Variants in APCDD1 observed in about 807,000 individuals in gnomAD.
The protein encoded by APCDD1 is protein APCDD1.
Under a neutral mutation model 38.1 loss-of-function variants are expected in APCDD1, and 15 were observed. The observed-to-expected ratio is 0.39, with a 90% confidence interval of 0.26 to 0.61. The LOEUF (loss-of-function observed/expected upper bound fraction) is 0.61. Among genes scored for constraint, APCDD1 ranks in the 20% least tolerant of loss-of-function variants. The pLI, the probability that APCDD1 is intolerant of heterozygous loss-of-function variation, is 0.49. For missense variants in APCDD1, 647 were observed against 696.2 expected (o/e 0.93, Z 0.79); for synonymous variants, 261 against 279.7 (o/e 0.93, Z 0.67).
At chr18:10,460,560 G>A (rs1331495490) in intron 1 of APCDD1, among the ~76,000 whole-genome samples, 2 of 149,688 alleles carry the variant, frequency 1.3e-5, no homozygotes, top group African/African-American at 2.5e-5. Context: ...AAACAAACAA[G>A]CAAAAAAAAC....
chr18:10,477,454 A>G (rs2031029312), intron 3 of APCDD1: 1 of 152,246 alleles, frequency 6.6e-6, no homozygotes, highest in African/African-American at 2.4e-5. Context: ...CTGGGCTACA[A>G]GGCTGCTGAT....
chr18:10,454,758 ACGCGGACCGGGCCGGGG>A lies in APCDD1; in HGVS notation c.-220_-204del. ...CGGGGCGGGCGGCAGAGAGGCCGGG[ACGCGGACCGGGCCGGGG>A]CGCCCACAGCCGCCCGACGGCGCCC... On this transcript the variant is annotated 5_prime_UTR_variant, in exon 1 of 5. Transcript: ENST00000355285. The A allele has an allele frequency of 1.0e-6, 1 of 980,184 alleles. No homozygotes were observed. The highest frequency in any genetic ancestry group is 1.2e-6 in the Non-Finnish European group (1 of 828,018). The allele number at this position is 980,184 out of a possible 1,614,324, so 60.7% of individuals were successfully genotyped here. A position where few individuals can be genotyped will look rare whatever the true frequency, so the allele number is the denominator to read the frequency against.
At chr18:10,473,144 C>T (rs1314175896) in intron 3 of APCDD1, among the ~76,000 whole-genome samples, 1 of 152,244 alleles carries the variant, frequency 6.6e-6, no homozygotes, top group Non-Finnish European at 1.5e-5. Flanking sequence ...TCCTCCAAGA[C>T]TACTCATAAC....
In APCDD1 at chr18:10,475,579, C is replaced by T. The variant is rs1345839837; in HGVS notation, c.774+3518C>T. ...GAGTTGTCTATCTGGGATTGTCGGA[C>T]AGAGACTTCACTTTTGGTACCTGTT... On this transcript the variant is annotated intron_variant, in intron 3 of 4. Transcript: ENST00000355285. The surrounding 1 kb of genome is among the most constrained non-coding windows in gnomAD (Gnocchi z 4.0). 2.6e-5 allele frequency among the ~76,000 whole-genome samples: 4 copies of T among 151,844 alleles called. No individual in the cohort carries two copies.
At chr18:10,473,364 C>G (rs1047593942) in intron 3 of APCDD1, among the ~76,000 whole-genome samples, 10 of 152,178 alleles carry the variant, frequency 6.6e-5, no homozygotes, top group Admixed American at 1.3e-4. Flanking sequence ...TGTGCTCAGC[C>G]CATGTGCCCA....
intron 1 of APCDD1, among the ~76,000 whole-genome samples, chr18:10,456,049 G>A (rs1389798600): frequency 6.6e-6 from 1 of 152,222 alleles, no homozygotes; most frequent in Non-Finnish European, 1.5e-5. Context: ...AGCCAGGACT[G>A]AAAGTCAGGC....
intron 4 of APCDD1, among the ~76,000 whole-genome samples, chr18:10,486,751 A>G (rs2031257774): frequency 6.6e-6 from 1 of 152,172 alleles, no homozygotes; most frequent in African/African-American, 2.4e-5. Flanking sequence ...CAGCCCTATC[A>G]TACCAAATAA....
chr18:10,478,044 T>C (rs2031047690), intron 3 of APCDD1, among the ~76,000 whole-genome samples: 1 of 152,116 alleles, frequency 6.6e-6, no homozygotes, highest in African/African-American at 2.4e-5. Flanking sequence ...GGAAGTCCAT[T>C]TCCAGAAGGC....
intron 1 of APCDD1, among the ~76,000 whole-genome samples, chr18:10,460,536 A>AG (rs1252592364): frequency 6.6e-6 from 1 of 151,828 alleles, no homozygotes; most frequent in Non-Finnish European, 1.5e-5. Context: ...CTGTCTCAAA[A>AG]AAAAAAAAAC....
At position 10,476,015 on chromosome 18, in the gene APCDD1, C is replaced by A. The variant is rs1345801220; in HGVS notation, c.774+3954C>A. On this transcript the variant is annotated intron_variant, in intron 3 of 4. Transcript: ENST00000355285. This position sits in a 1 kb window ranked among gnomAD's most constrained non-coding sequence, Gnocchi z 5.8. ...AGAAAGACTGGGCACTGTGTGCCCACGCGGGCCCAGCCACAGCAGGTTGTC... is the reference window on the plus strand; with the variant it reads ...AGAAAGACTGGGCACTGTGTGCCCAAGCGGGCCCAGCCACAGCAGGTTGTC... The A allele has an allele frequency of 6.6e-6, 1 of 152,268 alleles. No homozygotes were observed. Among genetic ancestry groups the A allele is most frequent in the Admixed American group, 6.5e-5 (1 of 15,292 alleles). The allele number at this position is 152,268 out of a possible 1,614,324, so 9.4% of individuals were successfully genotyped here.
chr18:10,461,726 T>A (rs1394069486), intron 1 of APCDD1, among the ~76,000 whole-genome samples: 1 of 152,174 alleles, frequency 6.6e-6, no homozygotes, highest in African/African-American at 2.4e-5. Context: ...TCACAGCCAT[T>A]TTCTTAATAT....
In APCDD1 at chr18:10,485,305, T is replaced by C. The variant is rs2031223912; in HGVS notation, c.775-157T>C. 6.6e-6 allele frequency among the ~76,000 whole-genome samples: 1 copy of C among 152,170 alleles called. No homozygotes were observed. The highest frequency in any genetic ancestry group is 1.9e-4 in the East Asian group (1 of 5,202). ...TGCACTCACACATCACTCTCACCTC[T>C]GTCTGTGCCCGGAGCATGATTCCAG... On this transcript the variant is annotated intron_variant, in intron 3 of 4. Transcript: ENST00000355285. The surrounding 1 kb of genome is among the most constrained non-coding windows in gnomAD (Gnocchi z 5.8).
chr18:10,464,181 A>G (rs2143519782), intron 1 of APCDD1, among the ~76,000 whole-genome samples: 1 of 152,224 alleles, frequency 6.6e-6, no homozygotes, highest in Middle Eastern at 3.4e-3. Flanking sequence ...AATGACCCAT[A>G]CAAATGCTAA....
chr18:10,472,748 T>G lies in APCDD1; in HGVS notation c.774+687T>G, dbSNP rs2030893838. Among the ~76,000 whole-genome samples, 1 of 152,248 alleles carries G rather than the reference T, an allele frequency of 6.6e-6. No homozygotes were observed. Among genetic ancestry groups the G allele is most frequent in the Non-Finnish European group, 1.5e-5 (1 of 68,036 alleles). ...AGTCACCATAATCAGAAGAGGGGAC[T>G]AAGGAGAGCAGGAAACAATTAAACC... On this transcript the variant is annotated intron_variant, in intron 3 of 4. Transcript: ENST00000355285. The surrounding 1 kb of genome is among the most constrained non-coding windows in gnomAD (Gnocchi z 6.6).
chr18:10,475,060 A>G lies in APCDD1; in HGVS notation c.774+2999A>G, dbSNP rs2030958987. On this transcript the variant is annotated intron_variant, in intron 3 of 4. Coordinates refer to ENST00000355285, the MANE Select transcript of APCDD1 (RefSeq NM_153000.5). The surrounding 1 kb of genome is among the most constrained non-coding windows in gnomAD (Gnocchi z 4.0). ...TTCTGTAAAATGGCAAAAATATAAGAATCAATAGGGTTAATGTGCAGAATC... is the reference window on the plus strand; with the variant it reads ...TTCTGTAAAATGGCAAAAATATAAGGATCAATAGGGTTAATGTGCAGAATC... Among the ~76,000 whole-genome samples the G allele has an allele frequency of 6.6e-6, 1 of 152,192 alleles. No individual in the cohort carries two copies. The highest frequency in any genetic ancestry group is 2.4e-5 in the African/African-American group (1 of 41,444).
rs1162647503 is a variant in APCDD1, at chr18:10,487,933, T to C, written c.1440T>C (p.Ser480=). The stretch of plus-strand genomic sequence containing the variant: ...GGGCAGAGGACCTCGCAGAAGACAG[T>C]GGAAGCAGCCTGTATGGCCGGGCCC... The part of the protein sequence containing the change: ...SPRAEDLAED[S]GSSLYGRAPG... The change falls in exon 5 of 5, where the codon AGT becomes AGC. Residue 480 remains serine (S), a synonymous_variant. Coordinates refer to ENST00000355285, the MANE Select transcript of APCDD1 (RefSeq NM_153000.5). 3 of 1,613,408 alleles carry C rather than the reference T, an allele frequency of 1.9e-6. No individual in the cohort carries two copies. The highest frequency in any genetic ancestry group is 1.7e-6 in the Non-Finnish European group (2 of 1,179,832).
intron 1 of APCDD1, among the ~76,000 whole-genome samples, chr18:10,464,754 T>G (rs1049287214): frequency 6.6e-6 from 1 of 152,234 alleles, no homozygotes. Context: ...TGAGTAGAAC[T>G]TAGCAGCAAC....
Position 10,489,196 on chromosome 18 carries a change from C to A in APCDD1, c.*1158C>A. 6.6e-6 allele frequency: 1 copy of A among 152,610 alleles called. No individual in the cohort carries two copies. The allele number at this position is 152,610 out of a possible 1,614,324, so 9.5% of individuals were successfully genotyped here. Reference sequence around the variant, plus strand: ...TGATGTGGCTCTGTGCTGGCAGTTTCAGGGTCAGTGTGCTGCTTTCCTAGG... The same window carrying A: ...TGATGTGGCTCTGTGCTGGCAGTTTAAGGGTCAGTGTGCTGCTTTCCTAGG... On this transcript the variant is annotated 3_prime_UTR_variant, in exon 5 of 5. Coordinates refer to ENST00000355285, the MANE Select transcript of APCDD1 (RefSeq NM_153000.5).
In APCDD1 at chr18:10,472,160, A is replaced by T. The variant is rs1487412793; in HGVS notation, c.774+99A>T. ...CTCTAGGGCACCCTTGAAAGGGGGA[A>T]TTCTGCATCATGGCGGGGCAGGCCA... On this transcript the variant is annotated intron_variant, in intron 3 of 4. Coordinates refer to ENST00000355285, the MANE Select transcript of APCDD1 (RefSeq NM_153000.5). This position sits in a 1 kb window ranked among gnomAD's most constrained non-coding sequence, Gnocchi z 6.6. 1 of 1,531,742 alleles carries T rather than the reference A, an allele frequency of 6.5e-7. No individual in the cohort carries two copies. Among genetic ancestry groups the T allele is most frequent in the Non-Finnish European group, 9.0e-7 (1 of 1,115,422 alleles). The allele number at this position is 1,531,742 out of a possible 1,614,324, so 94.9% of individuals were successfully genotyped here. A position where few individuals can be genotyped will look rare whatever the true frequency, so the allele number is the denominator to read the frequency against.
Sources: allele counts gnomAD v4.1 joint callset (sites outside exome capture counted in the v4.1 genomes callset), GRCh38; gene constraint gnomAD v4.1.1; non-coding constraint Gnocchi (gnomAD v3.1); transcripts MANE v1.5; gene names NCBI Gene and HGNC (gene_info 2026-07-23, HGNC 2026-07-21).